The following CEP126 variants were observed in gnomAD, a reference collection of about 807,000 sequenced individuals.
CEP126 encodes centrosomal protein 126.
A neutral mutation model predicts 107.8 loss-of-function variants in CEP126; 74 were observed. The observed-to-expected ratio is 0.69, with a 90% CI of 0.57 to 0.83. The LOEUF is 0.83. Ranked by LOEUF, CEP126 falls within the 40% of genes least tolerant of loss-of-function variation. The probability of loss-of-function intolerance (pLI) is 0.00; values close to 1 mark genes in which losing one functional copy is unlikely to be tolerated. For synonymous variants in CEP126, 449 were observed against 446.0 expected, an observed-to-expected ratio of 1.01 and a Z score of -0.08; for missense variants, 1,237 against 1,281.9, an observed-to-expected ratio of 0.96 and a Z score of 0.53.
chr11:101,957,037 A>T (rs1940908852), intron 4 of CEP126: 2 of 286,892 alleles, frequency 7.0e-6, no homozygotes, highest in Non-Finnish European at 1.3e-5. Flanking sequence ...AAGAGTAGGA[A>T]AGTGTAAAAG....
chr11:101,981,863 T>G lies in CEP126; in HGVS notation c.2959-26T>G, dbSNP rs368103985. 7.9e-5 allele frequency: 110 copies of G among 1,389,294 alleles called. No homozygotes were observed. The African/African-American group carries it at 1.5e-3, about 19-fold the overall frequency. The allele number at this position is 1,389,294 out of a possible 1,614,324, so 86.1% of individuals were successfully genotyped here. A position where few individuals can be genotyped will look rare whatever the true frequency, so the allele number is the denominator to read the frequency against. ...ATGAATTTTAAATATGGAAATATGT[T>G]TTAATTCAATATTCTATTTTTGTAG... On this transcript the variant is annotated intron_variant, in intron 7 of 10. Transcript: ENST00000263468.
intron 2 of CEP126, among the ~76,000 whole-genome samples, chr11:101,941,535 A>T (rs186676602): frequency 6.6e-6 from 1 of 152,294 alleles, no homozygotes; most frequent in East Asian, 1.9e-4. Context: ...TTGTTTATCC[A>T]TTCATCCATT....
chr11:101,946,912 C>T (rs1275315449), intron 3 of CEP126, among the ~76,000 whole-genome samples: 1 of 152,064 alleles, frequency 6.6e-6, no homozygotes, highest in Non-Finnish European at 1.5e-5. Flanking sequence ...TATAAATTAG[C>T]AGAAAACCTT....
chr11:101,956,112 C>A (rs956005466), intron 4 of CEP126: 1 of 456,624 alleles, frequency 2.2e-6, no homozygotes, highest in African/African-American at 2.0e-5. Context: ...GGCCATCCAC[C>A]CCACGCACCC....
intron 6 of CEP126, among the ~76,000 whole-genome samples, chr11:101,976,179 C>T (rs1941189972): frequency 6.6e-6 from 1 of 152,212 alleles, no homozygotes; most frequent in Non-Finnish European, 1.5e-5. Flanking sequence ...AATGGCTGAA[C>T]TAATTTAGAT....
At chr11:101,946,801 G>A (rs1160478174) in intron 3 of CEP126, among the ~76,000 whole-genome samples, 7 of 152,112 alleles carry the variant, frequency 4.6e-5, no homozygotes, top group Middle Eastern at 3.4e-3. Flanking sequence ...GGCAAAGGTC[G>A]TAGTAAGCAG....
chr11:101,934,287 A>G (rs959717229), intron 2 of CEP126, among the ~76,000 whole-genome samples: 2 of 152,046 alleles, frequency 1.3e-5, no homozygotes, highest in African/African-American at 4.8e-5. Flanking sequence ...TGCATAGACC[A>G]TTCATCCAAC....
chr11:101,938,282 C>G (rs1010732197), intron 2 of CEP126, among the ~76,000 whole-genome samples: 1 of 150,886 alleles, frequency 6.6e-6, no homozygotes. Flanking sequence ...TGTAGTGATA[C>G]CCTGTCTTGC....
In CEP126 at chr11:101,999,172, A is replaced by C. The variant is rs1025733393; in HGVS notation, c.*1529A>C. ...AAAATATTTGAGAATTTCTTATACTATCAAGAAAAAATTCTGTGAATTAAG... is the reference window on the plus strand; with the variant it reads ...AAAATATTTGAGAATTTCTTATACTCTCAAGAAAAAATTCTGTGAATTAAG... On this transcript the variant is annotated 3_prime_UTR_variant, in exon 11 of 11. Transcript: ENST00000263468. 2 of 152,170 alleles carry C rather than the reference A, an allele frequency of 1.3e-5. No individual in the cohort carries two copies. Among genetic ancestry groups the C allele is most frequent in the African/African-American group, 4.8e-5 (2 of 41,440 alleles). 9.4% of individuals were successfully genotyped at this position (152,170 alleles called of 1,614,324 possible).
intron 6 of CEP126, among the ~76,000 whole-genome samples, chr11:101,969,829 A>G (rs527807740): frequency 6.6e-6 from 1 of 152,336 alleles, no homozygotes; most frequent in East Asian, 1.9e-4. Context: ...CAAAGGTGGC[A>G]CTGTATAGCA....
At position 101,915,458 on chromosome 11, in the gene CEP126, G is replaced by C. The variant is rs949156; in HGVS notation, c.128+46G>C. On this transcript the variant is annotated intron_variant, in intron 1 of 10. Transcript: ENST00000263468. ...CTGCCAGGGTAGCGATGTTGAAAAC[G>C]GGGCCCATCTTTTTCCAATTAGATT... The C allele has an allele frequency of 2.3e-4, 360 of 1,573,156 alleles. 3 individuals are homozygous for C. In the Middle Eastern group the frequency reaches 3.4e-3, roughly 15 times the overall value.
In CEP126 at chr11:101,991,758, A is replaced by T. The variant is rs192695048; in HGVS notation, c.3245-1020A>T. ...TAAGAGAAAAAACAAAAAGAAAATT[A>T]ACTACAGCTACACACATCATCATTG... On this transcript the variant is annotated intron_variant, in intron 9 of 10. Transcript: ENST00000263468. 1.6e-3 allele frequency among the ~76,000 whole-genome samples: 238 copies of T among 152,384 alleles called. 1 individual carries two copies. The highest frequency in any genetic ancestry group is 5.2e-3 in the African/African-American group (218 of 41,584).
chr11:101,975,386 A>G (rs771080115), intron 6 of CEP126, among the ~76,000 whole-genome samples: 6 of 152,204 alleles, frequency 3.9e-5, no homozygotes, highest in African/African-American at 1.2e-4. Context: ...CAAGGTCACA[A>G]TGCAAAATAT....
At chr11:101,927,166 G>A (rs1940424790) in intron 2 of CEP126, among the ~76,000 whole-genome samples, 1 of 152,150 alleles carries the variant, frequency 6.6e-6, no homozygotes, top group Non-Finnish European at 1.5e-5. Context: ...GCTGGGCATT[G>A]TGGCGCATGC....
chr11:101,963,877 A>T lies in CEP126; in HGVS notation c.2842A>T (p.Thr948Ser), dbSNP rs754148915. ...PNVLHQNKRA[T>S]GSTVMRRKRI... ...TGTCCTGCATCAAAATAAGAGGGCTACAGGTAAGAATAAATTTATAGCTTT... is the reference window on the plus strand; with the variant it reads ...TGTCCTGCATCAAAATAAGAGGGCTTCAGGTAAGAATAAATTTATAGCTTT... Residue 948 changes from threonine (T) to serine (S), a missense_variant, in exon 6 of 11, where the codon ACA (threonine) becomes TCA (serine). Coordinates refer to ENST00000263468, the MANE Select transcript of CEP126 (RefSeq NM_020802.4). 6.4e-7 allele frequency: 1 copy of T among 1,574,464 alleles called. No individual in the cohort carries two copies. Among genetic ancestry groups the T allele is most frequent in the Admixed American group, 1.9e-5 (1 of 53,214 alleles).
In CEP126 at chr11:101,938,481, ATCT is replaced by A. The variant is rs1335848777; in HGVS notation, c.249-5780_249-5778del. Among the ~76,000 whole-genome samples, 15 of 149,242 alleles carry A rather than the reference ATCT, an allele frequency of 1.0e-4. 1 individual carries two copies. The highest frequency in any genetic ancestry group is 3.7e-4 in the African/African-American group (15 of 40,594). ...TTTCTTCTTTAGGATAAATTTGCTC[ATCT>A]TCTATCTTGTTAAGGTGGAAACTGA... On this transcript the variant is annotated intron_variant, in intron 2 of 10. Coordinates refer to ENST00000263468, the MANE Select transcript of CEP126 (RefSeq NM_020802.4).
At chr11:101,929,390 A>G (rs1470901986) in intron 2 of CEP126, among the ~76,000 whole-genome samples, 1 of 152,190 alleles carries the variant, frequency 6.6e-6, no homozygotes, top group Non-Finnish European at 1.5e-5. Context: ...AGGGGAAGAA[A>G]GGATGCAGCC....
chr11:101,940,303 C>A (rs749370667), intron 2 of CEP126, among the ~76,000 whole-genome samples: 4 of 151,950 alleles, frequency 2.6e-5, no homozygotes, highest in Non-Finnish European at 5.9e-5. Flanking sequence ...TTTCTAAAAT[C>A]AAAAAAAGTT....
At chr11:101,948,899 A>C (rs1007881661) in intron 4 of CEP126, among the ~76,000 whole-genome samples, 1 of 152,208 alleles carries the variant, frequency 6.6e-6, no homozygotes, top group Admixed American at 6.5e-5. Flanking sequence ...ACAATAAATT[A>C]TGTTAATATT....
Sources: gnomAD v4.1 joint callset for allele counts (sites outside exome capture counted in the v4.1 genomes callset) on GRCh38, gnomAD v4.1.1 for gene constraint, MANE v1.5 for transcripts, NCBI Gene and HGNC (gene_info 2026-07-23, HGNC 2026-07-21) for gene names.